TMEM65: variants seen among roughly 807,000 people sequenced by gnomAD.
The protein encoded by TMEM65 is transmembrane protein 65.
In TMEM65, 22 loss-of-function variants were observed where a neutral mutation model predicts 25.4. That is an observed-to-expected ratio of 0.86 (90% CI 0.62 to 1.23). TMEM65 has a LOEUF of 1.23. Among genes scored for constraint, TMEM65 ranks in the 50% most tolerant of loss-of-function variants. The probability of loss-of-function intolerance (pLI) is 0.00; values close to 1 mark genes in which losing one functional copy is unlikely to be tolerated. For synonymous variants in TMEM65, 132 were observed against 126.2 expected (o/e 1.05, Z -0.31); for missense variants, 262 against 308.2 (o/e 0.85, Z 1.12).
chr8:124,347,331 T>C (rs1668098354), intron 1 of TMEM65, among the ~76,000 whole-genome samples: 1 of 152,220 alleles, frequency 6.6e-6, no homozygotes, highest in Non-Finnish European at 1.5e-5. Context: ...TAATTTTATT[T>C]AGCATTTAAA....
Position 124,372,027 on chromosome 8 carries a change from G to T in TMEM65, c.131C>A (p.Pro44His). 7 of 1,265,934 alleles carry T rather than the reference G, an allele frequency of 5.5e-6. No homozygotes were observed. The highest frequency in any genetic ancestry group is 6.0e-6 in the Non-Finnish European group (6 of 1,005,042). 78.4% of individuals were successfully genotyped at this position (1,265,934 alleles called of 1,614,324 possible). A position where few individuals can be genotyped will look rare whatever the true frequency, so the allele number is the denominator to read the frequency against. Residue 44 changes from proline (P) to histidine (H), a missense_variant, in exon 1 of 7, where the codon CCC (proline) becomes CAC (histidine). Pro to His is a moderately conservative substitution (Grantham distance 77). Coordinates refer to ENST00000297632, the MANE Select transcript of TMEM65 (RefSeq NM_194291.3). ...CGRGLLALAPPGGLPGGPRRL... is the reference protein window; with the variant it reads ...CGRGLLALAPHGGLPGGPRRL... ...CCTGGGGCCGCCCGGCAAGCCGCCG[G>T]GGGGCGCGAGCGCCAGCAGCCCCCG... is the stretch of plus-strand genomic sequence containing the variant.
chr8:124,342,700 A>T (rs1025394295), intron 1 of TMEM65, among the ~76,000 whole-genome samples: 1 of 152,094 alleles, frequency 6.6e-6, no homozygotes. Context: ...GCACTCCAAG[A>T]CTCATCACAG....
intron 1 of TMEM65, among the ~76,000 whole-genome samples, chr8:124,350,719 T>C (rs1814697120): frequency 6.6e-6 from 1 of 152,140 alleles, no homozygotes; most frequent in African/African-American, 2.4e-5. Flanking sequence ...CCACTGTGTG[T>C]GGCCCTTTTT....
At chr8:124,341,287 G>A (rs912255897) in intron 1 of TMEM65, among the ~76,000 whole-genome samples, 3 of 151,988 alleles carry the variant, frequency 2.0e-5, no homozygotes, top group Non-Finnish European at 4.4e-5. Flanking sequence ...AAATCTAAAT[G>A]CAGAAGAAAG....
intron 1 of TMEM65, among the ~76,000 whole-genome samples, chr8:124,359,702 A>C (rs1388404575): frequency 6.6e-6 from 1 of 152,064 alleles, no homozygotes; most frequent in African/African-American, 2.4e-5. Context: ...AGATCACACC[A>C]CTGCACTACA....
intron 1 of TMEM65, among the ~76,000 whole-genome samples, chr8:124,367,299 C>T (rs946593593): frequency 3.9e-5 from 6 of 151,990 alleles, no homozygotes; most frequent in Non-Finnish European, 7.4e-5. Flanking sequence ...CATGGTGAAA[C>T]CCCACCTCTA....
At chr8:124,353,465 A>T (rs1370852234) in intron 1 of TMEM65, among the ~76,000 whole-genome samples, 2 of 152,206 alleles carry the variant, frequency 1.3e-5, no homozygotes, top group Non-Finnish European at 2.9e-5. Context: ...AACTATAAAT[A>T]ATATAGCTTT....
Position 124,312,104 on chromosome 8 carries a change from C to T in TMEM65, c.*1856G>A. On this transcript the variant is annotated 3_prime_UTR_variant, in exon 7 of 7. Transcript: ENST00000297632. Reference sequence around the variant, plus strand: ...CACAAGTTAGGGACAAAAGAAAGCACTTACACTTTACCCCACCCTTCCCCC... The same window carrying T: ...CACAAGTTAGGGACAAAAGAAAGCATTTACACTTTACCCCACCCTTCCCCC... The T allele has an allele frequency of 6.6e-6, 1 of 152,390 alleles. No individual in the cohort carries two copies. The highest frequency in any genetic ancestry group is 1.9e-4 in the East Asian group (1 of 5,188). 9.4% of individuals were successfully genotyped at this position (152,390 alleles called of 1,614,324 possible).
chr8:124,323,328 A>G lies in TMEM65; in HGVS notation c.465T>C (p.Thr155=), dbSNP rs1448012161. The G allele has an allele frequency of 6.7e-7, 1 of 1,482,498 alleles. No individual in the cohort carries two copies. Among genetic ancestry groups the G allele is most frequent in the Non-Finnish European group, 9.2e-7 (1 of 1,082,582 alleles). 91.8% of individuals were successfully genotyped at this position (1,482,498 alleles called of 1,614,324 possible). A position where few individuals can be genotyped will look rare whatever the true frequency, so the allele number is the denominator to read the frequency against. The change falls in exon 4 of 7, where the codon ACT becomes ACC. Residue 155 remains threonine, a synonymous_variant. Transcript: ENST00000297632. ...TTTACTACTGTTAAATACCTGCCAT[A>G]GTTGAAATTCCCAAAATAATTCCAA... ...MSIGIILGIS[T]MAAAALGNLV... is the part of the protein sequence containing the mutation.
intron 6 of TMEM65, 99 bp downstream of exon 6, chr8:124,319,987 T>C (rs1814284639): frequency 3.4e-6 from 3 of 887,514 alleles, no homozygotes; most frequent in Middle Eastern, 2.4e-4. Context: ...AAAACTCCAT[T>C]CAAACCAATT....
intron 1 of TMEM65, among the ~76,000 whole-genome samples, chr8:124,361,260 CCT>C (rs1436029589): frequency 2.0e-5 from 3 of 151,392 alleles, no homozygotes; most frequent in Non-Finnish European, 4.4e-5. Flanking sequence ...ATGGCGAGAC[CCT>C]GTCTCTACTA....
intron 2 of TMEM65, among the ~76,000 whole-genome samples, chr8:124,328,961 C>G (rs1231668820): frequency 6.6e-6 from 1 of 151,786 alleles, no homozygotes; most frequent in Non-Finnish European, 1.5e-5. Flanking sequence ...ATGACTAAGA[C>G]CACGGGACAA....
intron 1 of TMEM65, among the ~76,000 whole-genome samples, chr8:124,367,466 C>T (rs1228111258): frequency 1.3e-5 from 2 of 152,026 alleles, no homozygotes; most frequent in Admixed American, 6.5e-5. Context: ...GAGTGAGACT[C>T]TGTCTCAAAA....
At chr8:124,351,176 T>C in intron 1 of TMEM65, 1 of 898,944 alleles carries the variant, frequency 1.1e-6, no homozygotes, top group Non-Finnish European at 1.3e-6. Context: ...AATATATATA[T>C]AAACTTTAAA....
chr8:124,371,677 C>G (rs1311606407), intron 1 of TMEM65, among the ~76,000 whole-genome samples, 177 bp downstream of exon 1: 1 of 152,056 alleles, frequency 6.6e-6, no homozygotes, highest in Non-Finnish European at 1.5e-5. Flanking sequence ...GAAACTCGGG[C>G]GGCGGAAAGT....
intron 1 of TMEM65, 57 bp from the exon 2 acceptor site, chr8:124,330,849 T>C: frequency 6.9e-7 from 1 of 1,445,854 alleles, no homozygotes; most frequent in Non-Finnish European, 9.4e-7. Context: ...GTGATATTTT[T>C]TATTACAATG....
At chr8:124,354,245 T>C (rs914720607) in intron 1 of TMEM65, among the ~76,000 whole-genome samples, 19 of 152,298 alleles carry the variant, frequency 1.2e-4, no homozygotes, top group African/African-American at 4.3e-4. Context: ...AAATTAAAAA[T>C]AGGTAACAAC....
rs143287937 is a variant in TMEM65 at position 124,328,919 on chromosome 8, A to G, written c.350-1498T>C. 9.3e-3 allele frequency among the ~76,000 whole-genome samples: 1,418 copies of G among 152,004 alleles called. 18 individuals are homozygous for G. Among genetic ancestry groups the G allele is most frequent in the African/African-American group, 0.029 (1,185 of 41,522 alleles). ...AGCAGGAAAGGCTAATAAGCACTCAAAAAAAAGCACTTCTACCCACAACCA... is the reference window on the plus strand; with the variant it reads ...AGCAGGAAAGGCTAATAAGCACTCAGAAAAAAGCACTTCTACCCACAACCA... On this transcript the variant is annotated intron_variant, in intron 2 of 6. Coordinates refer to ENST00000297632, the MANE Select transcript of TMEM65 (RefSeq NM_194291.3).
chr8:124,353,721 G>A (rs930259975), intron 1 of TMEM65, among the ~76,000 whole-genome samples: 3 of 152,098 alleles, frequency 2.0e-5, no homozygotes, highest in East Asian at 1.9e-4. Flanking sequence ...ATGAAGACAC[G>A]TCAAAAAGAC....
Sources: allele counts gnomAD v4.1 joint callset (sites outside exome capture counted in the v4.1 genomes callset), GRCh38; gene constraint gnomAD v4.1.1; transcripts MANE v1.5; gene names NCBI Gene and HGNC (gene_info 2026-07-23, HGNC 2026-07-21).